HBS1L: variants seen among roughly 807,000 people sequenced by gnomAD.
HBS1L encodes the protein HBS1 like translational GTPase.
In HBS1L, 55 loss-of-function variants were observed where a neutral mutation model predicts 88.9. The ratio of observed to expected loss-of-function variants is 0.62; its 90% CI spans 0.50 to 0.77. The LOEUF (loss-of-function observed/expected upper bound fraction) is 0.77. HBS1L is among the 30% of genes least tolerant of loss of function. The pLI is 0.00. For synonymous variants in HBS1L, 267 were observed against 288.5 expected (o/e 0.93, Z 0.76); for missense variants, 741 against 829.3 (o/e 0.89, Z 1.31).
At chr6:135,054,290 G>A (rs1404786407) in intron 1 of HBS1L, among the ~76,000 whole-genome samples, 1 of 152,256 alleles carries the variant, frequency 6.6e-6, no homozygotes, top group African/African-American at 2.4e-5. Flanking sequence ...GGGGATCTGG[G>A]AGAGAGGAGC....
chr6:135,006,697 G>A lies in HBS1L; in HGVS notation c.431-3855C>T, dbSNP rs151173079. Among the ~76,000 whole-genome samples the A allele has an allele frequency of 6.7e-3, 1,024 of 152,186 alleles. 10 individuals are homozygous for A. Among genetic ancestry groups the A allele is most frequent in the African/African-American group, 0.02 (849 of 41,544 alleles). On this transcript the variant is annotated intron_variant, in intron 4 of 17. Coordinates refer to ENST00000367837, the MANE Select transcript of HBS1L (RefSeq NM_006620.4). ...AGAATTATAGAAGGATTGGCTTTGC[G>A]TGAAAAAGCAGTTCCTGAAGTTACA...
At chr6:134,978,952 C>A (rs960480752) in intron 14 of HBS1L, among the ~76,000 whole-genome samples, 165 bp from the exon 15 acceptor site, 36 of 152,016 alleles carry the variant, frequency 2.4e-4, no homozygotes, top group Non-Finnish European at 4.7e-4. Flanking sequence ...CCATTATTAA[C>A]CTTATGTCAT....
At position 135,026,007 on chromosome 6, in the gene HBS1L, T is replaced by C. The variant is rs570542440; in HGVS notation, c.430+13566A>G. Reference sequence around the variant, plus strand: ...GTAGCTAGTTAGCAACATGCAACAATAGAAAACAGTAGAGCAACAGCTGCA... The same window carrying C: ...GTAGCTAGTTAGCAACATGCAACAACAGAAAACAGTAGAGCAACAGCTGCA... On this transcript the variant is annotated intron_variant, in intron 4 of 17. Coordinates refer to ENST00000367837, the MANE Select transcript of HBS1L (RefSeq NM_006620.4). Among the ~76,000 whole-genome samples, 8 of 152,216 alleles carry C rather than the reference T, an allele frequency of 5.3e-5. No individual in the cohort carries two copies. The South Asian group carries it at 6.2e-4, about 12-fold the overall frequency.
chr6:135,020,743 C>T (rs1362994318), intron 4 of HBS1L, among the ~76,000 whole-genome samples: 1 of 151,900 alleles, frequency 6.6e-6, no homozygotes, highest in Admixed American at 6.6e-5. Context: ...CAATTCCACT[C>T]TAAAATCATA....
intron 4 of HBS1L, among the ~76,000 whole-genome samples, chr6:135,017,644 A>G (rs1775958885): frequency 1.3e-5 from 2 of 152,050 alleles, no homozygotes; most frequent in Non-Finnish European, 2.9e-5. Flanking sequence ...AGGAAAATAT[A>G]GGATACAGAA....
chr6:134,966,032 T>C (rs1048632491), intron 17 of HBS1L, among the ~76,000 whole-genome samples: 2 of 152,166 alleles, frequency 1.3e-5, no homozygotes, highest in Non-Finnish European at 2.9e-5. Flanking sequence ...ATTGAAATTT[T>C]CTGGTTCATT....
chr6:134,977,710 T>G (rs968112065), intron 15 of HBS1L, among the ~76,000 whole-genome samples: 16 of 151,918 alleles, frequency 1.1e-4, no homozygotes, highest in African/African-American at 3.6e-4. Context: ...TCACTAACTT[T>G]AAAAACTCTT....
chr6:134,993,151 T>A (rs1460467332), intron 8 of HBS1L, among the ~76,000 whole-genome samples: 2 of 152,166 alleles, frequency 1.3e-5, no homozygotes, highest in Non-Finnish European at 2.9e-5. Context: ...CCATCCAGAT[T>A]TGTGTAAGTA....
At chr6:135,047,335 CT>C (rs1776943878) in intron 2 of HBS1L, among the ~76,000 whole-genome samples, 1 of 151,768 alleles carries the variant, frequency 6.6e-6, no homozygotes, top group Admixed American at 6.6e-5. Context: ...GTAATCCCCC[CT>C]CTGAAAGATT....
At chr6:135,024,215 C>T (rs925527409) in intron 4 of HBS1L, among the ~76,000 whole-genome samples, 4 of 151,858 alleles carry the variant, frequency 2.6e-5, no homozygotes, top group East Asian at 1.9e-4. Context: ...CCGAGGCGGG[C>T]GGATCACGAG....
chr6:135,008,086 A>C (rs974020696), intron 4 of HBS1L, among the ~76,000 whole-genome samples: 1 of 152,192 alleles, frequency 6.6e-6, no homozygotes, highest in Non-Finnish European at 1.5e-5. Context: ...ATAAAAATAA[A>C]ATGCACCATT....
At chr6:135,051,857 G>A (rs142234840) in intron 1 of HBS1L, among the ~76,000 whole-genome samples, 4 of 152,282 alleles carry the variant, frequency 2.6e-5, no homozygotes, top group Non-Finnish European at 5.9e-5. Context: ...GGGAGTAGTT[G>A]AGACAACTGT....
At chr6:135,040,344 C>CCTTTTTTTTTTTT (rs1365916364) in intron 3 of HBS1L, among the ~76,000 whole-genome samples, 2 of 110,060 alleles carry the variant, frequency 1.8e-5, no homozygotes, top group South Asian at 3.3e-4. Context: ...GATAGGCATT[C>CCTTTTTTTTTTTT]TTTTTTTTTT....
At chr6:134,992,313 A>G (rs1775162942) in intron 8 of HBS1L, among the ~76,000 whole-genome samples, 1 of 152,188 alleles carries the variant, frequency 6.6e-6, no homozygotes, top group Non-Finnish European at 1.5e-5. Context: ...TGGTGGTCCC[A>G]TAAGATTATA....
chr6:135,042,969 G>A (rs1776792153), intron 2 of HBS1L, among the ~76,000 whole-genome samples: 4 of 152,278 alleles, frequency 2.6e-5, no homozygotes, highest in Non-Finnish European at 5.9e-5. Context: ...CTGTAAACTA[G>A]TGTCATATAC....
intron 5 of HBS1L, among the ~76,000 whole-genome samples, chr6:134,999,378 A>G (rs1378218477): frequency 6.6e-6 from 1 of 152,044 alleles, no homozygotes; most frequent in Non-Finnish European, 1.5e-5. Flanking sequence ...CTGCAATTCA[A>G]TAACATGAAA....
At chr6:134,971,641 A>C (rs1304389254) in intron 15 of HBS1L, among the ~76,000 whole-genome samples, 1 of 152,210 alleles carries the variant, frequency 6.6e-6, no homozygotes, top group Non-Finnish European at 1.5e-5. Flanking sequence ...AACAGAGGGA[A>C]GTGACTGCAC....
chr6:134,978,959 T>G (rs1774734537), intron 14 of HBS1L, among the ~76,000 whole-genome samples, 172 bp from the exon 15 acceptor site: 1 of 152,098 alleles, frequency 6.6e-6, no homozygotes, highest in African/African-American at 2.4e-5. Flanking sequence ...TAACCTTATG[T>G]CATTTTTATA....
chr6:134,962,243 T>C lies in HBS1L; in HGVS notation c.*3036A>G, dbSNP rs964051319. On this transcript the variant is annotated 3_prime_UTR_variant, in exon 18 of 18. Coordinates refer to ENST00000367837, the MANE Select transcript of HBS1L (RefSeq NM_006620.4). ...TCTGTAATTGTTATTTTTATATCAA[T>C]AAAAAAAACCTCTAATACTTCTATT... The C allele has an allele frequency of 3.3e-5, 5 of 151,726 alleles. No individual in the cohort carries two copies. Among genetic ancestry groups the C allele is most frequent in the Non-Finnish European group, 7.4e-5 (5 of 67,960 alleles). 9.4% of individuals were successfully genotyped at this position (151,726 alleles called of 1,614,324 possible).
Sources: allele counts gnomAD v4.1 joint callset (sites outside exome capture counted in the v4.1 genomes callset), GRCh38; gene constraint gnomAD v4.1.1; transcripts MANE v1.5; gene names NCBI Gene and HGNC (gene_info 2026-07-23, HGNC 2026-07-21).